Variants in XDH observed in about 807,000 individuals in gnomAD.
XDH encodes xanthine dehydrogenase.
In XDH, 138 loss-of-function variants were observed where a neutral mutation model predicts 156.1. The ratio of observed to expected loss-of-function variants is 0.88; its 90% CI spans 0.77 to 1.02. The LOEUF is 1.02. Among genes scored for constraint, XDH ranks in the 50% least tolerant of loss-of-function variants. The pLI, the probability that XDH is intolerant of heterozygous loss-of-function variation, is 0.00. For missense variants in XDH, 1,849 were observed against 1,684.9 expected (o/e 1.10, Z -1.71); for synonymous variants, 669 against 625.7 (o/e 1.07, Z -1.03).
intron 30 of XDH, 111 bp from the exon 31 acceptor site, chr2:31,344,847 A>C: frequency 9.1e-7 from 1 of 1,103,132 alleles, no homozygotes; most frequent in South Asian, 1.3e-5. Context: ...AACTCATTTT[A>C]CTAGTGACTC....
At chr2:31,370,888 T>C (rs564171925) in intron 17 of XDH, among the ~76,000 whole-genome samples, 2 of 152,310 alleles carry the variant, frequency 1.3e-5, no homozygotes, top group Non-Finnish European at 1.5e-5. Flanking sequence ...GGATGTTACG[T>C]GATGCTCTGT....
chr2:31,344,747 G>C lies in XDH; in HGVS notation c.3352-11C>G, dbSNP rs2148752465. On this transcript the variant is annotated splice_polypyrimidine_tract_variant and intron_variant, in intron 30 of 35. Transcript: ENST00000379416. ...GTAGGCAGCTGTGACCTGAGGAGAG[G>C]AGATGGCCATCAGGCAGGTGAAGTG... 6.2e-7 allele frequency: 1 copy of C among 1,614,112 alleles called. No individual in the cohort carries two copies. The highest frequency in any genetic ancestry group is 1.3e-5 in the African/African-American group (1 of 75,042).
At chr2:31,382,928 G>T in intron 11 of XDH, 73 bp downstream of exon 11, 2 of 1,606,954 alleles carry the variant, frequency 1.2e-6, no homozygotes, top group South Asian at 1.1e-5. Flanking sequence ...CTGACACAGT[G>T]AGAGTCTGGC....
chr2:31,366,831 A>C, intron 21 of XDH, 39 bp downstream of exon 21: 2 of 1,613,212 alleles, frequency 1.2e-6, no homozygotes, highest in Non-Finnish European at 1.7e-6. Context: ...GCTCCCCGCT[A>C]CCCTGACAGC....
intron 30 of XDH, among the ~76,000 whole-genome samples, chr2:31,345,287 C>T (rs575735098): frequency 1.3e-5 from 2 of 152,330 alleles, no homozygotes; most frequent in South Asian, 2.1e-4. Context: ...GGTGAACTCT[C>T]CCTAACTGGC....
At chr2:31,353,102 A>T (rs1324886387) in intron 24 of XDH, among the ~76,000 whole-genome samples, 2 of 152,066 alleles carry the variant, frequency 1.3e-5, no homozygotes, top group Non-Finnish European at 1.5e-5. Context: ...AAAAAACTGT[A>T]AAAAGTGGTA....
intron 5 of XDH, 125 bp downstream of exon 5, chr2:31,398,448 G>A (rs1686969909): frequency 2.6e-6 from 4 of 1,550,780 alleles, no homozygotes; most frequent in Non-Finnish European, 3.5e-6. Flanking sequence ...TCACCACCTT[G>A]TTGGGGGGCC....
At chr2:31,391,031 T>C (rs1351589078) in intron 6 of XDH, among the ~76,000 whole-genome samples, 1 of 152,222 alleles carries the variant, frequency 6.6e-6, no homozygotes, top group East Asian at 1.9e-4. Flanking sequence ...CCTTTGGTGT[T>C]GCATCTAAAA....
At position 31,347,621 on chromosome 2, in the gene XDH, G is replaced by C; in HGVS notation, c.3177C>G (p.Thr1059=). ...QVASRALKIP[T]SKIYISETST... is the part of the protein sequence containing the mutation. Reference sequence around the variant, plus strand: ...TTGTCTCGCTGATATAAATCTTAGAGGTGGGGATTTTCAGAGCTCTACTGG... The same window carrying C: ...TTGTCTCGCTGATATAAATCTTAGACGTGGGGATTTTCAGAGCTCTACTGG... The change falls in exon 29 of 36, where the codon ACC becomes ACG. Residue 1059 remains threonine (T), a synonymous_variant. Transcript: ENST00000379416. 1 of 1,614,130 alleles carries C rather than the reference G, an allele frequency of 6.2e-7. No individual in the cohort carries two copies. Among genetic ancestry groups the C allele is most frequent in the Non-Finnish European group, 8.5e-7 (1 of 1,180,006 alleles).
Position 31,348,328 on chromosome 2 carries a change from A to C in XDH, c.3087T>G (p.Ser1029=). Residue 1029 remains serine (S), a synonymous_variant, in exon 28 of 36, where the codon TCT becomes TCG. Transcript: ENST00000379416. ...CAGTCCCCCCGTGGGTCAGCAGCAC[A>C]GAGCCATCTGTGTACACATGAAGTA... ...GALLHVYTDG[S]VLLTHGGTEM... is the part of the protein sequence containing the mutation. 6.2e-7 allele frequency: 1 copy of C among 1,614,238 alleles called. No homozygotes were observed. Among genetic ancestry groups the C allele is most frequent in the Non-Finnish European group, 8.5e-7 (1 of 1,180,038 alleles).
chr2:31,364,107 C>G (rs1267221204), intron 24 of XDH, 51 bp downstream of exon 24: 2 of 1,594,288 alleles, frequency 1.3e-6, no homozygotes, highest in South Asian at 1.1e-5. Flanking sequence ...TGGGAACAGG[C>G]TGACCTCGAA....
chr2:31,347,713 C>A, intron 28 of XDH, 63 bp from the exon 29 acceptor site: 6 of 1,580,132 alleles, frequency 3.8e-6, no homozygotes, highest in Non-Finnish European at 5.2e-6. Context: ...GCTGCCTTCT[C>A]CCCAAGACAG....
At position 31,353,496 on chromosome 2, in the gene XDH, G is replaced by GA. The variant is rs796294214; in HGVS notation, c.2632-3274dup. 4.0e-5 allele frequency among the ~76,000 whole-genome samples: 6 copies of GA among 150,746 alleles called. No individual in the cohort carries two copies. In the South Asian group the frequency reaches 1.1e-3, roughly 27 times the overall value. ...TGTAAGAATACTCTGAAAAGTGGAG[G>GA]AAAAAAAAAGGCAGTCCCAGTAGGG... On this transcript the variant is annotated intron_variant, in intron 24 of 35. Coordinates refer to ENST00000379416, the MANE Select transcript of XDH (RefSeq NM_000379.4).
chr2:31,390,386 T>C (rs1312728184), intron 6 of XDH, among the ~76,000 whole-genome samples: 3 of 152,260 alleles, frequency 2.0e-5, no homozygotes, highest in Non-Finnish European at 2.9e-5. Context: ...TTCCATTATT[T>C]GGATGTTCTA....
intron 14 of XDH, among the ~76,000 whole-genome samples, 176 bp from the exon 15 acceptor site, chr2:31,375,730 C>T (rs184789488): frequency 7.2e-4 from 110 of 152,336 alleles, no homozygotes; most frequent in African/African-American, 2.5e-3. Flanking sequence ...CCTGTTTCCT[C>T]ATCTTCAAAA....
At position 31,368,571 on chromosome 2, in the gene XDH, A is replaced by G. The variant is rs1685984776; in HGVS notation, c.2070T>C (p.Tyr690=). The change falls in exon 19 of 36, where the codon TAT becomes TAC. Residue 690 remains tyrosine (Y), a synonymous_variant. Transcript: ENST00000379416. The part of the protein sequence containing the change: ...QRAAQGVKIT[Y]EELPAIITIE... ...TTGTGATAATGGCTGGTAGTTCTTC[A>G]TAGGTGATTTTCACCCCTTGGGCAG... 1.9e-6 allele frequency: 3 copies of G among 1,614,074 alleles called. No individual in the cohort carries two copies. The highest frequency in any genetic ancestry group is 1.1e-5 in the South Asian group (1 of 91,082).
chr2:31,384,092 C>A, intron 9 of XDH: 1 of 463,842 alleles, frequency 2.2e-6, no homozygotes, highest in Non-Finnish European at 4.0e-6. Context: ...TACCTGAATT[C>A]AAATGAAATG....
intron 1 of XDH, among the ~76,000 whole-genome samples, chr2:31,411,534 C>T (rs1246677861): frequency 1.3e-5 from 2 of 152,010 alleles, no homozygotes; most frequent in African/African-American, 2.4e-5. Context: ...TGGTAAAGTA[C>T]ATAAAGGGTA....
chr2:31,411,872 C>A (rs935994539), intron 1 of XDH, among the ~76,000 whole-genome samples: 1 of 152,186 alleles, frequency 6.6e-6, no homozygotes, highest in African/African-American at 2.4e-5. Flanking sequence ...ATCTTATTCC[C>A]CCAGTGCATA....
Sources: allele counts gnomAD v4.1 joint callset (sites outside exome capture counted in the v4.1 genomes callset), GRCh38; gene constraint gnomAD v4.1.1; transcripts MANE v1.5; gene names NCBI Gene and HGNC (gene_info 2026-07-23, HGNC 2026-07-21).